Variants in THSD7B observed in about 807,000 individuals in gnomAD.
The protein encoded by THSD7B is thrombospondin type-1 domain-containing protein 7B.
A neutral mutation model predicts 213.6 loss-of-function variants in THSD7B; 138 were observed. The observed-to-expected ratio is 0.65, with a 90% confidence interval of 0.56 to 0.74. The LOEUF (loss-of-function observed/expected upper bound fraction) is 0.74, where lower values mean the gene tolerates loss of function less well. Ranked by LOEUF, THSD7B falls within the 30% of genes least tolerant of loss-of-function variation. The pLI is 0.00. For missense variants in THSD7B, 1,931 were observed against 1,991.5 expected, an observed-to-expected ratio of 0.97 and a Z score of 0.58; for synonymous variants, 742 against 687.0, an observed-to-expected ratio of 1.08 and a Z score of -1.25.
intron 2 of THSD7B, among the ~76,000 whole-genome samples, chr2:136,949,880 T>C (rs1375645870): frequency 1.3e-5 from 2 of 152,224 alleles, no homozygotes; most frequent in Admixed American, 1.3e-4. Flanking sequence ...TAAAAACACG[T>C]GCACACATAT....
chr2:136,953,053 T>C (rs2105074503), intron 2 of THSD7B, among the ~76,000 whole-genome samples: 1 of 152,288 alleles, frequency 6.6e-6, no homozygotes, highest in Middle Eastern at 3.4e-3. Context: ...TATGTGAAAT[T>C]ATGTTGGTAA....
At chr2:137,575,606 G>A (rs1251805865) in intron 17 of THSD7B, among the ~76,000 whole-genome samples, 1 of 151,532 alleles carries the variant, frequency 6.6e-6, no homozygotes, top group African/African-American at 2.4e-5. Context: ...AACTGTATTG[G>A]GAAAACCATA....
At chr2:136,827,981 G>A (rs1239183008) in intron 1 of THSD7B, among the ~76,000 whole-genome samples, 2 of 151,924 alleles carry the variant, frequency 1.3e-5, no homozygotes. Flanking sequence ...TCTTGTTTGT[G>A]TCTGTTATAT....
intron 2 of THSD7B, among the ~76,000 whole-genome samples, chr2:136,928,146 C>G (rs1265144072): frequency 6.6e-6 from 1 of 152,148 alleles, no homozygotes; most frequent in Non-Finnish European, 1.5e-5. Context: ...CCTAACCTAC[C>G]AAACATCATA....
chr2:137,452,068 A>G, intron 15 of THSD7B: 1 of 947,286 alleles, frequency 1.1e-6, no homozygotes, highest in Non-Finnish European at 1.3e-6. Context: ...TATCAATTCA[A>G]GACCAATCTC....
At chr2:137,213,287 C>T (rs1307058186) in intron 7 of THSD7B, among the ~76,000 whole-genome samples, 1 of 149,788 alleles carries the variant, frequency 6.7e-6, no homozygotes, top group East Asian at 2.0e-4. Context: ...TTATGTATTG[C>T]CAACTTTCTC....
At chr2:136,981,329 A>C (rs2104807823) in intron 2 of THSD7B, among the ~76,000 whole-genome samples, 1 of 152,270 alleles carries the variant, frequency 6.6e-6, no homozygotes, top group African/African-American at 2.4e-5. Context: ...AAGAGAGCAG[A>C]ATATTGGACA....
chr2:137,032,524 A>T (rs530032489), intron 2 of THSD7B, among the ~76,000 whole-genome samples: 1 of 152,250 alleles, frequency 6.6e-6, no homozygotes, highest in African/African-American at 2.4e-5. Flanking sequence ...GGGATAGCTT[A>T]TTCTCTCCCT....
intron 10 of THSD7B, among the ~76,000 whole-genome samples, chr2:137,262,469 T>A (rs980691269): frequency 3.5e-4 from 53 of 150,832 alleles, no homozygotes; most frequent in South Asian, 1.5e-3. Flanking sequence ...AAAAAAAAAA[T>A]AAATCCCTGT....
At chr2:137,034,369 G>T (rs1686733017) in intron 2 of THSD7B, among the ~76,000 whole-genome samples, 1 of 152,106 alleles carries the variant, frequency 6.6e-6, no homozygotes, top group African/African-American at 2.4e-5. Flanking sequence ...CTCCCAAAGT[G>T]CTGGGATTAC....
At chr2:137,017,598 G>A (rs944432627) in intron 2 of THSD7B, among the ~76,000 whole-genome samples, 3 of 152,096 alleles carry the variant, frequency 2.0e-5, no homozygotes, top group African/African-American at 7.2e-5. Flanking sequence ...GAAACAGACT[G>A]TCAAGCCAAA....
chr2:137,223,744 C>G (rs1416131334), intron 7 of THSD7B, among the ~76,000 whole-genome samples: 2 of 152,180 alleles, frequency 1.3e-5, no homozygotes, highest in Admixed American at 6.5e-5. Context: ...GAATTTGTGA[C>G]TCTACCCAAA....
intron 12 of THSD7B, among the ~76,000 whole-genome samples, chr2:137,382,644 T>C (rs935841948): frequency 2.6e-5 from 4 of 152,208 alleles, no homozygotes; most frequent in African/African-American, 2.4e-5. Flanking sequence ...GGTGCATTCA[T>C]GCATAACAAT....
In THSD7B at chr2:136,833,620, T is replaced by C. The variant is rs1378039288; in HGVS notation, c.-35-48524T>C. Reference sequence around the variant, plus strand: ...AATATCCTACTTTGTGATTTTACTTTTGTGTATTCAAAGTCACATTTCTGA... The same window carrying C: ...AATATCCTACTTTGTGATTTTACTTCTGTGTATTCAAAGTCACATTTCTGA... On this transcript the variant is annotated intron_variant, in intron 1 of 27. Coordinates refer to ENST00000409968, the MANE Select transcript of THSD7B (RefSeq NM_001316349.2). Among the ~76,000 whole-genome samples the C allele has an allele frequency of 4.6e-5, 7 of 152,118 alleles. No individual in the cohort carries two copies. The East Asian group carries it at 1.3e-3, about 29-fold the overall frequency.
intron 12 of THSD7B, among the ~76,000 whole-genome samples, chr2:137,351,478 T>C (rs1018839532): frequency 6.6e-6 from 1 of 151,950 alleles, no homozygotes; most frequent in African/African-American, 2.4e-5. Context: ...CATGCATGCA[T>C]AGGCAGAGTA....
At chr2:137,397,120 T>C (rs1466817668) in intron 12 of THSD7B, among the ~76,000 whole-genome samples, 29 of 151,504 alleles carry the variant, frequency 1.9e-4, no homozygotes, top group Admixed American at 1.3e-3. Context: ...CTTTATCCAG[T>C]TTGCCAGTCT....
chr2:137,225,742 T>TCATTCATAAAATGGAATGAAGTTC (rs1553480806), intron 7 of THSD7B, among the ~76,000 whole-genome samples: 1 of 150,506 alleles, frequency 6.6e-6, no homozygotes, highest in Non-Finnish European at 1.5e-5. Flanking sequence ...TTGATGTTGT[T>TCATTCATAAAATGGAATGAAGTTC]TTTGTTATTA....
intron 5 of THSD7B, among the ~76,000 whole-genome samples, chr2:137,149,210 G>A (rs541264203): frequency 4.6e-5 from 7 of 152,302 alleles, no homozygotes; most frequent in South Asian, 2.1e-4. Flanking sequence ...GTGCATAGAA[G>A]TCAAGAATAA....
chr2:137,224,815 TGAA>T (rs1681459063), intron 7 of THSD7B, among the ~76,000 whole-genome samples: 1 of 132,600 alleles, frequency 7.5e-6, no homozygotes, highest in Non-Finnish European at 1.7e-5. Flanking sequence ...TATTGTATGT[TGAA>T]GAACTTTGTA....
Sources: gnomAD v4.1 joint callset for allele counts (sites outside exome capture counted in the v4.1 genomes callset) on GRCh38, gnomAD v4.1.1 for gene constraint, MANE v1.5 for transcripts, NCBI Gene and HGNC (gene_info 2026-07-23, HGNC 2026-07-21) for gene names.